The following PTPRD variants were observed in gnomAD, a reference collection of about 807,000 sequenced individuals.
PTPRD encodes protein tyrosine phosphatase receptor type D, also known as receptor-type tyrosine-protein phosphatase delta.
A neutral mutation model predicts 214.5 loss-of-function variants in PTPRD; 34 were observed. That is an observed-to-expected ratio of 0.16 (90% CI 0.12 to 0.21). The LOEUF is 0.21. Among genes scored for constraint, PTPRD ranks in the 10% least tolerant of loss-of-function variants. PTPRD has a pLI of 1.00. For synonymous variants in PTPRD, 1,128 were observed against 845.7 expected, an observed-to-expected ratio of 1.33 and a Z score of -5.79; for missense variants, 2,545 against 2,398.7, an observed-to-expected ratio of 1.06 and a Z score of -1.27.
rs1044503254 is a variant in PTPRD at position 10,439,803 on chromosome 9, G to A, written c.-599-98786C>T. On this transcript the variant is annotated intron_variant, in intron 2 of 45. Transcript: ENST00000381196. ...GAGGAGCCAAGGGAGCAAGTAATAG[G>A]GCAGGAATGAAAATCATTATTTTTC... Among the ~76,000 whole-genome samples the A allele has an allele frequency of 2.6e-5, 4 of 151,502 alleles. No individual in the cohort carries two copies. The East Asian group carries it at 7.8e-4, about 29-fold the overall frequency.
At chr9:9,382,429 TGATA>T (rs1349332420) in intron 9 of PTPRD, among the ~76,000 whole-genome samples, 1 of 152,102 alleles carries the variant, frequency 6.6e-6, no homozygotes, top group Non-Finnish European at 1.5e-5. Context: ...ACCATATATA[TGATA>T]AAGGGCTAAT....
chr9:10,458,586 A>C (rs1285402382), intron 2 of PTPRD, among the ~76,000 whole-genome samples: 1 of 152,212 alleles, frequency 6.6e-6, no homozygotes, highest in Non-Finnish European at 1.5e-5. Flanking sequence ...AGCTAACATC[A>C]TAATAAGTGG....
chr9:8,537,762 C>T (rs548375260), intron 14 of PTPRD, among the ~76,000 whole-genome samples: 2 of 151,978 alleles, frequency 1.3e-5, no homozygotes, highest in Middle Eastern at 3.4e-3. Flanking sequence ...CAAGGTACTC[C>T]GGGCAGAGAA....
At chr9:9,081,711 A>C (rs904703758) in intron 10 of PTPRD, among the ~76,000 whole-genome samples, 3 of 151,926 alleles carry the variant, frequency 2.0e-5, no homozygotes, top group African/African-American at 7.3e-5. Context: ...TAGGAGAGTT[A>C]GCTCTTCTTG....
In PTPRD at chr9:8,489,020, G is replaced by C. The variant is rs538685716; in HGVS notation, c.2468-2671C>G. Among the ~76,000 whole-genome samples the C allele has an allele frequency of 8.8e-4, 134 of 152,262 alleles. 1 individual carries two copies. Among genetic ancestry groups the C allele is most frequent in the South Asian group, 5.6e-3 (27 of 4,824 alleles). ...CCTGTTTCCGTGAGATGCACGTAAA[G>C]CTAGGATAAATAAAAATAATTTTTT... On this transcript the variant is annotated intron_variant, in intron 27 of 45. Coordinates refer to ENST00000381196, the MANE Select transcript of PTPRD (RefSeq NM_002839.4).
chr9:8,964,205 T>G (rs1430946414), intron 11 of PTPRD, among the ~76,000 whole-genome samples: 1 of 144,048 alleles, frequency 6.9e-6, no homozygotes, highest in African/African-American at 2.5e-5. Context: ...TTTTTTTTTT[T>G]TTTTTTTTTT....
chr9:8,318,010 A>AAATC lies in PTPRD; in HGVS notation c.5671-72_5671-69dup. On this transcript the variant is annotated intron_variant, in intron 45 of 45. Transcript: ENST00000381196. ...TGAGCATATTTTAATAGAAAAATAAAAATCAATATTGCATAACAAAATAAC... is the reference window on the plus strand; with the variant it reads ...TGAGCATATTTTAATAGAAAAATAAAAATCAATCAATATTGCATAACAAAATAAC... 2.0e-6 allele frequency: 3 copies of AAATC among 1,469,502 alleles called. No individual in the cohort carries two copies. In the South Asian group the frequency reaches 3.4e-5, roughly 17 times the overall value. The allele number at this position is 1,469,502 out of a possible 1,614,324, so 91.0% of individuals were successfully genotyped here.
intron 4 of PTPRD, among the ~76,000 whole-genome samples, chr9:9,983,613 CACAT>C (rs2095614659): frequency 6.6e-6 from 1 of 152,194 alleles, no homozygotes; most frequent in Admixed American, 6.5e-5. Context: ...AACGTACACT[CACAT>C]ACAAATACAA....
At chr9:9,304,572 T>C (rs1464390821) in intron 9 of PTPRD, among the ~76,000 whole-genome samples, 1 of 151,966 alleles carries the variant, frequency 6.6e-6, no homozygotes, top group Non-Finnish European at 1.5e-5. Flanking sequence ...GTGGGCAGGA[T>C]TCATTTTATG....
At chr9:9,031,812 A>C (rs1010971757) in intron 10 of PTPRD, among the ~76,000 whole-genome samples, 11 of 152,046 alleles carry the variant, frequency 7.2e-5, no homozygotes, top group African/African-American at 2.4e-4. Context: ...AATGCCTCAT[A>C]GGATAAATGG....
chr9:8,645,562 T>C (rs954675251), intron 12 of PTPRD, among the ~76,000 whole-genome samples: 17 of 152,156 alleles, frequency 1.1e-4, no homozygotes, highest in Non-Finnish European at 1.8e-4. Context: ...ATTTGGTAGA[T>C]AGATATCTAT....
At chr9:10,005,682 G>T (rs1305243845) in intron 4 of PTPRD, among the ~76,000 whole-genome samples, 1 of 151,830 alleles carries the variant, frequency 6.6e-6, no homozygotes, top group Non-Finnish European at 1.5e-5. Flanking sequence ...TGTCCCTCTG[G>T]CATGACACTA....
chr9:9,982,475 G>GGTGGT (rs1433231687), intron 4 of PTPRD, among the ~76,000 whole-genome samples: 3 of 46,752 alleles, frequency 6.4e-5, no homozygotes, highest in African/African-American at 1.4e-4. Context: ...TGGTGGTGGT[G>GGTGGT]GTGTGTGTGT....
At chr9:9,768,860 T>A (rs745603140) in intron 5 of PTPRD, among the ~76,000 whole-genome samples, 4 of 152,128 alleles carry the variant, frequency 2.6e-5, no homozygotes, top group Non-Finnish European at 5.9e-5. Flanking sequence ...GTAATCAGGG[T>A]TGAGCTTAAA....
At chr9:8,359,837 T>G (rs1334247877) in intron 39 of PTPRD, among the ~76,000 whole-genome samples, 1 of 152,208 alleles carries the variant, frequency 6.6e-6, no homozygotes, top group Non-Finnish European at 1.5e-5. Flanking sequence ...CACTTAGTGT[T>G]TGTTCCATCA....
intron 11 of PTPRD, among the ~76,000 whole-genome samples, chr9:8,789,021 T>C (rs2096114187): frequency 6.6e-6 from 1 of 152,202 alleles, no homozygotes; most frequent in Non-Finnish European, 1.5e-5. Context: ...GACACAGGAC[T>C]GAGTCATTCC....
chr9:8,791,559 G>A (rs1359577608), intron 11 of PTPRD, among the ~76,000 whole-genome samples: 4 of 126,354 alleles, frequency 3.2e-5, no homozygotes, highest in Admixed American at 2.0e-4. Flanking sequence ...ACAGAGTCCT[G>A]CTCTGTCTTC....
intron 2 of PTPRD, among the ~76,000 whole-genome samples, chr9:10,608,604 G>T (rs1001521713): frequency 1.3e-5 from 2 of 152,054 alleles, no homozygotes; most frequent in Non-Finnish European, 2.9e-5. Context: ...TAGTCACATA[G>T]CTTGAAAGAC....
At chr9:10,516,724 T>C (rs2050237526) in intron 2 of PTPRD, among the ~76,000 whole-genome samples, 1 of 152,036 alleles carries the variant, frequency 6.6e-6, no homozygotes, top group African/African-American at 2.4e-5. Flanking sequence ...TTCAACCCTT[T>C]AATTCCTTTT....
Sources: gnomAD v4.1 joint callset for allele counts (sites outside exome capture counted in the v4.1 genomes callset) on GRCh38, gnomAD v4.1.1 for gene constraint, MANE v1.5 for transcripts, NCBI Gene and HGNC (gene_info 2026-07-23, HGNC 2026-07-21) for gene names.